The following KCNJ6 variants were observed in gnomAD, a reference collection of about 807,000 sequenced individuals.
KCNJ6 encodes G protein-activated inward rectifier potassium channel 2.
KCNJ6 carries 9 observed loss-of-function variants against 34.2 expected under a neutral mutation model. That is an observed-to-expected ratio of 0.26 (90% CI 0.16 to 0.46). KCNJ6 has a LOEUF of 0.46. Among genes scored for constraint, KCNJ6 ranks in the 20% least tolerant of loss-of-function variants. The pLI, the probability that KCNJ6 is intolerant of heterozygous loss-of-function variation, is 1.00. For missense variants in KCNJ6, 236 were observed against 531.3 expected (o/e 0.44, Z 5.46); for synonymous variants, 196 against 207.1 (o/e 0.95, Z 0.46).
chr21:37,840,513 G>A (rs2055474782), intron 2 of KCNJ6, 145 bp downstream of exon 2: 1 of 597,842 alleles, frequency 1.7e-6, no homozygotes, highest in East Asian at 2.7e-5. Context: ...ACATCAACAT[G>A]ATGCAGTGTG....
chr21:37,658,656 G>C (rs2054475076), intron 3 of KCNJ6, among the ~76,000 whole-genome samples: 3 of 152,192 alleles, frequency 2.0e-5, no homozygotes, highest in Admixed American at 6.5e-5. Context: ...GGCAATGTAA[G>C]CTCCAGAGGC....
rs1179111140 is a variant in KCNJ6 at position 37,618,063 on chromosome 21, G to A, written c.*7096C>T. 3 of 152,312 alleles carry A rather than the reference G, an allele frequency of 2.0e-5. No homozygotes were observed. The highest frequency in any genetic ancestry group is 2.0e-4 in the Admixed American group (3 of 15,286). The allele number at this position is 152,312 out of a possible 1,614,324, so 9.4% of individuals were successfully genotyped here. A position where few individuals can be genotyped will look rare whatever the true frequency, so the allele number is the denominator to read the frequency against. On this transcript the variant is annotated 3_prime_UTR_variant, in exon 4 of 4. Coordinates refer to ENST00000609713, the MANE Select transcript of KCNJ6 (RefSeq NM_002240.5). Reference sequence around the variant, plus strand: ...TGGCTGAGGATTTTGTTCTGCCCAAGTCTGAGCTACGGGAGGGTATTTCTC... The same window carrying A: ...TGGCTGAGGATTTTGTTCTGCCCAAATCTGAGCTACGGGAGGGTATTTCTC...
chr21:37,671,822 G>T (rs2054543494), intron 3 of KCNJ6, among the ~76,000 whole-genome samples: 2 of 152,220 alleles, frequency 1.3e-5, no homozygotes, highest in South Asian at 4.1e-4. Context: ...GTTATCTGTT[G>T]TAAGAGTATA....
At chr21:37,703,579 G>A (rs191308772) in intron 3 of KCNJ6, among the ~76,000 whole-genome samples, 6 of 152,264 alleles carry the variant, frequency 3.9e-5, no homozygotes, top group East Asian at 1.9e-4. Flanking sequence ...TGTGGATTTC[G>A]TTTCATTATA....
At chr21:37,823,895 C>T (rs1296166657) in intron 2 of KCNJ6, among the ~76,000 whole-genome samples, 2 of 152,406 alleles carry the variant, frequency 1.3e-5, no homozygotes, top group Non-Finnish European at 1.5e-5. Flanking sequence ...GGATGCTTAC[C>T]ATACGGTATG....
intron 2 of KCNJ6, among the ~76,000 whole-genome samples, chr21:37,828,583 G>C (rs2055409926): frequency 6.6e-6 from 1 of 152,224 alleles, no homozygotes; most frequent in Non-Finnish European, 1.5e-5. Context: ...GGCTGCATGA[G>C]GTGAAAAGCA....
chr21:37,760,790 G>C (rs2055057246), intron 2 of KCNJ6, among the ~76,000 whole-genome samples: 1 of 152,208 alleles, frequency 6.6e-6, no homozygotes, highest in South Asian at 2.1e-4. Flanking sequence ...GATAGAGAAA[G>C]GCTCAGGTTC....
At chr21:37,902,397 T>A (rs2055821232) in intron 1 of KCNJ6, among the ~76,000 whole-genome samples, 1 of 152,204 alleles carries the variant, frequency 6.6e-6, no homozygotes, top group Non-Finnish European at 1.5e-5. Flanking sequence ...CTGACCTACA[T>A]AACAGTATTT....
chr21:37,664,036 T>G (rs1270329845), intron 3 of KCNJ6, among the ~76,000 whole-genome samples: 2 of 152,194 alleles, frequency 1.3e-5, no homozygotes, highest in African/African-American at 4.8e-5. Flanking sequence ...ATTATGAAAT[T>G]AATTAAGAAG....
At position 37,714,253 on chromosome 21, in the gene KCNJ6, G is replaced by C. The variant is rs2054778261; in HGVS notation, c.904C>G (p.Leu302Val). Reference protein sequence around the residue: ...ISKAQLPKEELEIVVILEGMV... With the variant: ...ISKAQLPKEEVEIVVILEGMV... ...CCTTCTAGGATGACCACAATTTCCAGTTCCTCTTTGGGCAGCTGGGCTTTG... is the reference window on the plus strand; with the variant it reads ...CCTTCTAGGATGACCACAATTTCCACTTCCTCTTTGGGCAGCTGGGCTTTG... Residue 302 changes from leucine (L) to valine (V), a missense_variant, in exon 3 of 4, where the codon CTG becomes GTG. Leu to Val is a conservative substitution (Grantham distance 32, BLOSUM62 1). Transcript: ENST00000609713. This position sits in a 1 kb window ranked among gnomAD's most constrained non-coding sequence, Gnocchi z 5.9. 1.2e-6 allele frequency: 2 copies of C among 1,613,922 alleles called. No homozygotes were observed. The highest frequency in any genetic ancestry group is 1.3e-5 in the African/African-American group (1 of 74,908).
chr21:37,837,599 T>A (rs1458567662), intron 2 of KCNJ6, among the ~76,000 whole-genome samples: 1 of 152,206 alleles, frequency 6.6e-6, no homozygotes, highest in African/African-American at 2.4e-5. Context: ...TAGTTAAACA[T>A]AGAGATGTTC....
intron 2 of KCNJ6, among the ~76,000 whole-genome samples, chr21:37,721,509 G>C (rs1460777640): frequency 6.6e-6 from 1 of 152,200 alleles, no homozygotes; most frequent in African/African-American, 2.4e-5. Flanking sequence ...CAGTGAAAAG[G>C]TGAATACAAC....
At chr21:37,795,851 G>T (rs1405719373) in intron 2 of KCNJ6, among the ~76,000 whole-genome samples, 1 of 152,092 alleles carries the variant, frequency 6.6e-6, no homozygotes, top group Admixed American at 6.6e-5. Context: ...ATGTTTTTGA[G>T]GTGGTATTAT....
At chr21:37,837,499 A>G (rs565249584) in intron 2 of KCNJ6, among the ~76,000 whole-genome samples, 2 of 152,312 alleles carry the variant, frequency 1.3e-5, no homozygotes, top group African/African-American at 2.4e-5. Flanking sequence ...TTCCTTTCCC[A>G]TTATGGTATT....
intron 3 of KCNJ6, among the ~76,000 whole-genome samples, chr21:37,638,106 T>G (rs750741476): frequency 8.5e-5 from 13 of 152,174 alleles, no homozygotes; most frequent in Non-Finnish European, 1.3e-4. Flanking sequence ...ACACTATTAT[T>G]TCTACATTTG....
At chr21:37,716,741 C>A (rs894024830) in intron 2 of KCNJ6, among the ~76,000 whole-genome samples, 7 of 152,126 alleles carry the variant, frequency 4.6e-5, no homozygotes, top group African/African-American at 1.4e-4. Flanking sequence ...GTTAATAATG[C>A]ATTAGGAAAG....
At chr21:37,687,814 G>A (rs2054622362) in intron 3 of KCNJ6, among the ~76,000 whole-genome samples, 1 of 152,138 alleles carries the variant, frequency 6.6e-6, no homozygotes, top group Non-Finnish European at 1.5e-5. Context: ...GGACTGCACG[G>A]GCATTGTGGC....
At chr21:37,711,941 A>G (rs1265725968) in intron 3 of KCNJ6, among the ~76,000 whole-genome samples, 3 of 152,054 alleles carry the variant, frequency 2.0e-5, no homozygotes, top group Admixed American at 6.5e-5. Context: ...TAGAAAGGCC[A>G]TAGGGTGCTC....
intron 2 of KCNJ6, among the ~76,000 whole-genome samples, chr21:37,791,834 T>C (rs780784462): frequency 1.2e-4 from 18 of 152,182 alleles, no homozygotes; most frequent in Non-Finnish European, 2.4e-4. Flanking sequence ...TCAGGGCACA[T>C]GTGATAATTT....
Sources: gnomAD v4.1 joint callset for allele counts (sites outside exome capture counted in the v4.1 genomes callset) on GRCh38, gnomAD v4.1.1 for gene constraint, Gnocchi (gnomAD v3.1) non-coding constraint, MANE v1.5 for transcripts, NCBI Gene and HGNC (gene_info 2026-07-23, HGNC 2026-07-21) for gene names.